BZW2: variants seen among roughly 807,000 people sequenced by gnomAD.
BZW2 encodes the protein eIF5-mimic protein 1.
Under a neutral mutation model 53.2 loss-of-function variants are expected in BZW2, and 23 were observed. The observed-to-expected ratio is 0.43, with a 90% CI of 0.31 to 0.61. The LOEUF is 0.61. Ranked by LOEUF, BZW2 falls within the 20% of genes least tolerant of loss-of-function variation. BZW2 has a pLI of 0.09. For missense variants in BZW2, 409 were observed against 503.1 expected, an observed-to-expected ratio of 0.81 and a Z score of 1.79; for synonymous variants, 227 against 186.4, an observed-to-expected ratio of 1.22 and a Z score of -1.77.
In BZW2 at chr7:16,648,199, G is replaced by A. The variant is rs1389145628; in HGVS notation, c.-8+1911G>A. Among the ~76,000 whole-genome samples, 11 of 152,202 alleles carry A rather than the reference G, an allele frequency of 7.2e-5. 1 individual carries two copies. Among genetic ancestry groups the A allele is most frequent in the Admixed American group, 4.6e-4 (7 of 15,284 alleles). On this transcript the variant is annotated intron_variant, in intron 1 of 11. Coordinates refer to ENST00000258761, the MANE Select transcript of BZW2 (RefSeq NM_014038.3). Reference sequence around the variant, plus strand: ...TAATGTAGGGATAAGATTAGATAATGAGCATATTAAAACAGATTCACATCA... The same window carrying A: ...TAATGTAGGGATAAGATTAGATAATAAGCATATTAAAACAGATTCACATCA...
At chr7:16,659,425 ATAGT>A (rs746379784) in intron 1 of BZW2, among the ~76,000 whole-genome samples, 5 of 152,206 alleles carry the variant, frequency 3.3e-5, no homozygotes, top group African/African-American at 4.8e-5. Context: ...TTATAGGCAT[ATAGT>A]TAGTTTGTTG....
At chr7:16,685,286 C>CA (rs1306720371) in intron 5 of BZW2, among the ~76,000 whole-genome samples, 4 of 151,908 alleles carry the variant, frequency 2.6e-5, no homozygotes, top group Admixed American at 6.6e-5. Context: ...AAAAGTTTAC[C>CA]AAAAAAACAT....
chr7:16,676,782 T>C (rs374867884), intron 3 of BZW2, among the ~76,000 whole-genome samples: 1 of 152,218 alleles, frequency 6.6e-6, no homozygotes, highest in African/African-American at 2.4e-5. Flanking sequence ...GTCACATGAC[T>C]GTAGTAGTCA....
At chr7:16,702,560 G>A (rs1028973112) in intron 10 of BZW2, among the ~76,000 whole-genome samples, 3 of 152,120 alleles carry the variant, frequency 2.0e-5, no homozygotes, top group African/African-American at 7.2e-5. Context: ...ATCATTTAGT[G>A]TGCTTTTCAC....
At chr7:16,659,250 A>T (rs913773848) in intron 1 of BZW2, among the ~76,000 whole-genome samples, 1 of 151,960 alleles carries the variant, frequency 6.6e-6, no homozygotes, top group African/African-American at 2.4e-5. Flanking sequence ...TTGAATTTTA[A>T]TTTTTTTTCA....
chr7:16,672,312 C>T (rs1782626370), intron 2 of BZW2, among the ~76,000 whole-genome samples: 1 of 152,066 alleles, frequency 6.6e-6, no homozygotes, highest in Non-Finnish European at 1.5e-5. Flanking sequence ...TTTGACAGGT[C>T]TGCCCTTTTT....
chr7:16,675,277 C>T (rs986989530), intron 3 of BZW2, among the ~76,000 whole-genome samples: 1 of 152,094 alleles, frequency 6.6e-6, no homozygotes, highest in Non-Finnish European at 1.5e-5. Context: ...TCACTAGAAA[C>T]GGTCAAATTT....
intron 2 of BZW2, among the ~76,000 whole-genome samples, chr7:16,666,389 T>TTTATTTATTTA (rs1782427832): frequency 2.7e-5 from 4 of 145,926 alleles, no homozygotes; most frequent in Non-Finnish European, 3.0e-5. Context: ...TATAAAAGAC[T>TTTATTTATTTA]TTTATTTATT....
At chr7:16,704,918 AGAAAT>A (rs747290025) in intron 11 of BZW2, among the ~76,000 whole-genome samples, 1 of 152,262 alleles carries the variant, frequency 6.6e-6, no homozygotes, top group Non-Finnish European at 1.5e-5. Context: ...ACAATAAGGA[AGAAAT>A]GATTAGTAGA....
rs76512105 is a variant in BZW2 at position 16,675,419 on chromosome 7, C to T, written c.235+831C>T. 1.6e-3 allele frequency among the ~76,000 whole-genome samples: 247 copies of T among 152,236 alleles called. 1 individual carries two copies. Among genetic ancestry groups the T allele is most frequent in the East Asian group, 0.015 (78 of 5,182 alleles). On this transcript the variant is annotated intron_variant, in intron 3 of 11. Transcript: ENST00000258761. The stretch of plus-strand genomic sequence containing the variant: ...GCAACATAATGAAAGATTGCCTTGC[C>T]CAAAGTGCCATCATTGCCTTTCCTT...
chr7:16,673,843 A>G (rs951682660), intron 2 of BZW2, among the ~76,000 whole-genome samples: 1 of 152,216 alleles, frequency 6.6e-6, no homozygotes, highest in Non-Finnish European at 1.5e-5. Context: ...GTAGATATAC[A>G]TATATGGCTC....
At chr7:16,693,305 C>A (rs1783375814) in intron 7 of BZW2, among the ~76,000 whole-genome samples, 3 of 152,140 alleles carry the variant, frequency 2.0e-5, no homozygotes. Context: ...AGACGGGCTT[C>A]CCCTCAACTT....
chr7:16,674,098 T>C (rs1298100304), intron 2 of BZW2, among the ~76,000 whole-genome samples: 1 of 152,088 alleles, frequency 6.6e-6, no homozygotes, highest in African/African-American at 2.4e-5. Flanking sequence ...CGGAGTTTCA[T>C]TGTTTTGGCG....
At chr7:16,678,517 G>T (rs934342519) in intron 3 of BZW2, among the ~76,000 whole-genome samples, 1 of 152,128 alleles carries the variant, frequency 6.6e-6, no homozygotes, top group Non-Finnish European at 1.5e-5. Context: ...TTTAATGCAA[G>T]ATGTAGCAAT....
Position 16,665,135 on chromosome 7 carries a change from G to A in BZW2, c.-7-302G>A, listed in dbSNP as rs368230794. Reference sequence around the variant, plus strand: ...GACCTGGCCACCATGGTGAAACCCCGTCTCTACTAAAAATACAAAAATTAG... The same window carrying A: ...GACCTGGCCACCATGGTGAAACCCCATCTCTACTAAAAATACAAAAATTAG... On this transcript the variant is annotated intron_variant, in intron 1 of 11. Coordinates refer to ENST00000258761, the MANE Select transcript of BZW2 (RefSeq NM_014038.3). Among the ~76,000 whole-genome samples, 14 of 152,068 alleles carry A rather than the reference G, an allele frequency of 9.2e-5. No individual in the cohort carries two copies. The South Asian group carries it at 2.1e-3, about 23-fold the overall frequency.
At chr7:16,676,183 G>A (rs1782758125) in intron 3 of BZW2, among the ~76,000 whole-genome samples, 1 of 152,190 alleles carries the variant, frequency 6.6e-6, no homozygotes, top group Non-Finnish European at 1.5e-5. Flanking sequence ...TCAGCAATAT[G>A]TTGCTGCCTT....
intron 3 of BZW2, among the ~76,000 whole-genome samples, chr7:16,676,217 G>A (rs1336231543): frequency 6.6e-6 from 1 of 152,140 alleles, no homozygotes; most frequent in African/African-American, 2.4e-5. Flanking sequence ...TGTTATACTG[G>A]ATGATTCTAA....
At chr7:16,692,823 T>C (rs1418890642) in intron 7 of BZW2, among the ~76,000 whole-genome samples, 2 of 152,308 alleles carry the variant, frequency 1.3e-5, no homozygotes, top group African/African-American at 4.8e-5. Context: ...ATGTGGGCTG[T>C]AACTTTCAGT....
chr7:16,656,144 T>G (rs1782116510), intron 1 of BZW2, among the ~76,000 whole-genome samples: 1 of 149,828 alleles, frequency 6.7e-6, no homozygotes, highest in Non-Finnish European at 1.5e-5. Flanking sequence ...TGACTATATA[T>G]ATATATACAT....
Sources: allele counts gnomAD v4.1 joint callset (sites outside exome capture counted in the v4.1 genomes callset), GRCh38; gene constraint gnomAD v4.1.1; transcripts MANE v1.5; gene names NCBI Gene and HGNC (gene_info 2026-07-23, HGNC 2026-07-21).